Variants in ATG13 observed in about 807,000 individuals in gnomAD.
The protein encoded by ATG13 is autophagy-related protein 13.
A neutral mutation model predicts 65.5 loss-of-function variants in ATG13; 23 were observed. That is an observed-to-expected ratio of 0.35 (90% CI 0.25 to 0.50). ATG13 has a LOEUF of 0.50. Among genes scored for constraint, ATG13 ranks in the 20% least tolerant of loss-of-function variants. The pLI is 0.98. For synonymous variants in ATG13, 252 were observed against 245.2 expected (o/e 1.03, Z -0.26); for missense variants, 566 against 677.0 (o/e 0.84, Z 1.82).
chr11:46,623,933 T>C (rs77526559), intron 1 of ATG13, among the ~76,000 whole-genome samples: 7 of 152,040 alleles, frequency 4.6e-5, no homozygotes, highest in Non-Finnish European at 7.4e-5. Context: ...TTTTTTTTTT[T>C]CTGAACCCTT....
chr11:46,624,008 G>A (rs937138113), intron 1 of ATG13, among the ~76,000 whole-genome samples: 10 of 150,194 alleles, frequency 6.7e-5, no homozygotes, highest in African/African-American at 2.5e-4. Context: ...TCAAATTCAG[G>A]AATTTTTTTT....
intron 5 of ATG13, among the ~76,000 whole-genome samples, chr11:46,646,963 T>A (rs757041642): frequency 4.6e-5 from 7 of 152,152 alleles, no homozygotes; most frequent in Non-Finnish European, 1.0e-4. Flanking sequence ...TTTCACCATG[T>A]TGCCCAGGCT....
Position 46,656,129 on chromosome 11 carries a change from T to C in ATG13, c.459-104T>C. 3 of 969,464 alleles carry C rather than the reference T, an allele frequency of 3.1e-6. No homozygotes were observed. The South Asian group carries it at 4.4e-5, about 14-fold the overall frequency. The allele number at this position is 969,464 out of a possible 1,614,324, so 60.1% of individuals were successfully genotyped here. ...CCATCAGCAGAGGTATTTGAGCAGA[T>C]GAGTAAGGAAGGCTTTGTTTTATTT... On this transcript the variant is annotated intron_variant, in intron 7 of 18. Coordinates refer to ENST00000683050, the MANE Select transcript of ATG13 (RefSeq NM_001346311.2).
At chr11:46,668,002 C>A (rs1306071809) in intron 15 of ATG13, 115 bp downstream of exon 15, 32 of 786,358 alleles carry the variant, frequency 4.1e-5, no homozygotes, top group Non-Finnish European at 2.0e-5. Context: ...AACTGGCATG[C>A]AAAACTGTAT....
chr11:46,624,139 G>A (rs956758928), intron 1 of ATG13, among the ~76,000 whole-genome samples: 3 of 151,678 alleles, frequency 2.0e-5, no homozygotes, highest in African/African-American at 7.3e-5. Flanking sequence ...TGAGTAGCTG[G>A]GACTACAGGC....
chr11:46,649,113 A>G (rs1304887256), intron 5 of ATG13, 24 bp from the exon 6 acceptor site: 1 of 1,601,438 alleles, frequency 6.2e-7, no homozygotes, highest in African/African-American at 1.3e-5. Flanking sequence ...TTAAACAAAT[A>G]TTTTAAATTT....
chr11:46,650,743 C>T (rs1271059280), intron 7 of ATG13, among the ~76,000 whole-genome samples: 1 of 152,114 alleles, frequency 6.6e-6, no homozygotes, highest in Non-Finnish European at 1.5e-5. Flanking sequence ...GTAGATGGGA[C>T]TACAGGCACC....
chr11:46,663,656 AC>A (rs2061644861), intron 11 of ATG13, among the ~76,000 whole-genome samples: 1 of 152,110 alleles, frequency 6.6e-6, no homozygotes, highest in South Asian at 2.1e-4. Flanking sequence ...CTGCTGTCTG[AC>A]TTCCTGTCTT....
At chr11:46,643,677 A>G (rs1045762449) in intron 2 of ATG13, among the ~76,000 whole-genome samples, 5 of 151,358 alleles carry the variant, frequency 3.3e-5, no homozygotes, top group Non-Finnish European at 7.4e-5. Flanking sequence ...AGCTGGTCCA[A>G]ATTCCTTGGC....
At chr11:46,660,417 C>CTT (rs71455295) in intron 11 of ATG13, among the ~76,000 whole-genome samples, 3 of 141,608 alleles carry the variant, frequency 2.1e-5, no homozygotes, top group Admixed American at 7.1e-5. Context: ...TTCTTTTTCC[C>CTT]TTTTTTTTTT....
rs1396405429 is a variant in ATG13 at position 46,649,117 on chromosome 11, T to A, written c.271-20T>A. ...TTAAAAATTTTTTAAACAAATATTT[T>A]AAATTTGTCCTTTCTACAGGGAGAT... On this transcript the variant is annotated intron_variant, in intron 5 of 18. Transcript: ENST00000683050. The A allele has an allele frequency of 6.2e-7, 1 of 1,603,902 alleles. No individual in the cohort carries two copies.
Position 46,644,249 on chromosome 11 carries a change from A to G in ATG13, c.-13-30A>G, listed in dbSNP as rs73451860. 3,417 of 1,466,204 alleles carry G rather than the reference A, an allele frequency of 2.3e-3. 72 individuals carry two copies. In the African/African-American group the frequency reaches 0.043, roughly 18 times the overall value. The allele number at this position is 1,466,204 out of a possible 1,614,324, so 90.8% of individuals were successfully genotyped here. The stretch of plus-strand genomic sequence containing the variant: ...GTATCAATGCCTTTTTAAAGATATT[A>G]GTCATATTTTTTTCACTTTTTTTTT... On this transcript the variant is annotated intron_variant, in intron 2 of 18. Transcript: ENST00000683050.
chr11:46,638,992 A>AT (rs200933225), intron 2 of ATG13, among the ~76,000 whole-genome samples: 21 of 147,166 alleles, frequency 1.4e-4, no homozygotes, highest in Admixed American at 3.4e-4. Flanking sequence ...TTATTTATTT[A>AT]TTTATTTTTT....
At chr11:46,618,139 C>T (rs2045936823) in intron 1 of ATG13, 3 of 371,038 alleles carry the variant, frequency 8.1e-6, no homozygotes, top group Non-Finnish European at 1.4e-5. Context: ...TGGGTTAGGT[C>T]GTCAGGCGTT....
chr11:46,657,960 T>A (rs1245324544), intron 10 of ATG13, among the ~76,000 whole-genome samples: 2 of 151,976 alleles, frequency 1.3e-5, no homozygotes, highest in Non-Finnish European at 2.9e-5. Flanking sequence ...TCCCAGCTAC[T>A]CAGGAGGCTG....
At chr11:46,650,518 T>C (rs1306937102) in intron 7 of ATG13, among the ~76,000 whole-genome samples, 1 of 152,230 alleles carries the variant, frequency 6.6e-6, no homozygotes, top group Non-Finnish European at 1.5e-5. Context: ...ATTATCCTTT[T>C]CTATATGCAC....
intron 2 of ATG13, among the ~76,000 whole-genome samples, chr11:46,633,348 T>C (rs139950171): frequency 1.5e-4 from 22 of 151,372 alleles, no homozygotes; most frequent in African/African-American, 5.1e-4. Context: ...ATTTTATTTT[T>C]TAATTATTGT....
At chr11:46,671,566 T>C (rs943953750) in intron 18 of ATG13, among the ~76,000 whole-genome samples, 1 of 152,090 alleles carries the variant, frequency 6.6e-6, no homozygotes, top group African/African-American at 2.4e-5. Flanking sequence ...TGAAACCCTG[T>C]CTCTACTAAA....
intron 18 of ATG13, among the ~76,000 whole-genome samples, chr11:46,670,047 C>A (rs2063335688): frequency 1.3e-5 from 2 of 152,170 alleles, no homozygotes; most frequent in South Asian, 4.1e-4. Flanking sequence ...CAGAAGAGTG[C>A]CCCGCACAAG....
Sources: gnomAD v4.1 joint callset for allele counts (sites outside exome capture counted in the v4.1 genomes callset) on GRCh38, gnomAD v4.1.1 for gene constraint, MANE v1.5 for transcripts, NCBI Gene and HGNC (gene_info 2026-07-23, HGNC 2026-07-21) for gene names.